MALRD1: variants seen among roughly 807,000 people sequenced by gnomAD.
MALRD1 encodes MAM and LDL-receptor class A domain-containing protein 1.
In MALRD1, 247 loss-of-function variants were observed where a neutral mutation model predicts 242.1. That is an observed-to-expected ratio of 1.02 (90% CI 0.92 to 1.13). The LOEUF (loss-of-function observed/expected upper bound fraction) is 1.13, where lower values mean the gene tolerates loss of function less well. Among genes scored for constraint, MALRD1 ranks in the 50% most tolerant of loss-of-function variants. The pLI is 0.00. For missense variants in MALRD1, 2,989 were observed against 2,533.1 expected (o/e 1.18, Z -3.86); for synonymous variants, 995 against 866.6 (o/e 1.15, Z -2.60).
chr10:19,651,042 C>T (rs1840858223), intron 36 of MALRD1, among the ~76,000 whole-genome samples: 3 of 152,152 alleles, frequency 2.0e-5, no homozygotes, highest in Admixed American at 2.0e-4. Context: ...AAAAGATGGT[C>T]TCTGTTCTTG....
At chr10:19,482,217 C>G (rs1208017667) in intron 29 of MALRD1, among the ~76,000 whole-genome samples, 1 of 152,036 alleles carries the variant, frequency 6.6e-6, no homozygotes, top group Non-Finnish European at 1.5e-5. Context: ...TCAGTGTTTA[C>G]TCTCCAGAAT....
intron 28 of MALRD1, among the ~76,000 whole-genome samples, chr10:19,410,720 C>T (rs981495533): frequency 6.8e-6 from 1 of 147,772 alleles, no homozygotes; most frequent in Non-Finnish European, 1.5e-5. Context: ...TAGTGAGGAC[C>T]TACTTTAGGA....
intron 19 of MALRD1, among the ~76,000 whole-genome samples, chr10:19,264,065 G>T (rs934963240): frequency 1.3e-5 from 2 of 152,086 alleles, no homozygotes; most frequent in African/African-American, 2.4e-5. Flanking sequence ...CCCAATACTT[G>T]TTAAAAGTTT....
chr10:19,407,443 C>T (rs1246445935), intron 28 of MALRD1, among the ~76,000 whole-genome samples: 1 of 151,876 alleles, frequency 6.6e-6, no homozygotes, highest in African/African-American at 2.4e-5. Context: ...GATTGTGCCA[C>T]TGCACTCCAG....
chr10:19,417,211 C>T (rs1833544296), intron 28 of MALRD1, among the ~76,000 whole-genome samples: 2 of 152,132 alleles, frequency 1.3e-5, no homozygotes, highest in Non-Finnish European at 2.9e-5. Context: ...CTCTCTGGGT[C>T]ATTGTATCCT....
In MALRD1 at chr10:19,581,466, G is replaced by C. The variant is rs1001207466; in HGVS notation, c.5681-13728G>C. Among the ~76,000 whole-genome samples, 11 of 150,714 alleles carry C rather than the reference G, an allele frequency of 7.3e-5. No individual in the cohort carries two copies. In the South Asian group the frequency reaches 2.3e-3, roughly 32 times the overall value. On this transcript the variant is annotated intron_variant, in intron 33 of 39. Coordinates refer to ENST00000454679, the MANE Select transcript of MALRD1 (RefSeq NM_001142308.3). ...TTCCCACCTATGAATGAGAATATGT[G>C]GTGTTTGGTATTTTGTTCTTGTGAC...
intron 26 of MALRD1, among the ~76,000 whole-genome samples, chr10:19,384,172 C>T (rs1272429443): frequency 6.7e-6 from 1 of 149,658 alleles, no homozygotes; most frequent in Non-Finnish European, 1.5e-5. Flanking sequence ...TGTATGTCTT[C>T]TTTGGAGAAA....
chr10:19,495,088 C>T (rs910872961), intron 30 of MALRD1, among the ~76,000 whole-genome samples: 4 of 151,944 alleles, frequency 2.6e-5, no homozygotes, highest in African/African-American at 9.6e-5. Context: ...GCAATTCTCC[C>T]GCCTCAGCCT....
At chr10:19,432,414 A>G (rs1310257187) in intron 28 of MALRD1, among the ~76,000 whole-genome samples, 2 of 152,238 alleles carry the variant, frequency 1.3e-5, no homozygotes, top group African/African-American at 2.4e-5. Flanking sequence ...CAGAGAAAGA[A>G]TCTGAAATCT....
chr10:19,151,203 T>A (rs1181766590), intron 11 of MALRD1, among the ~76,000 whole-genome samples: 1 of 152,128 alleles, frequency 6.6e-6, no homozygotes, highest in Non-Finnish European at 1.5e-5. Flanking sequence ...GTGTTTCCAA[T>A]GTCTCAATTT....
intron 26 of MALRD1, among the ~76,000 whole-genome samples, chr10:19,370,692 C>T (rs1351487772): frequency 6.6e-6 from 1 of 151,972 alleles, no homozygotes; most frequent in Non-Finnish European, 1.5e-5. Flanking sequence ...ATTCTTGTGT[C>T]TCAACCTCCT....
chr10:19,563,820 T>C (rs1836123746), intron 32 of MALRD1, among the ~76,000 whole-genome samples: 1 of 152,216 alleles, frequency 6.6e-6, no homozygotes, highest in African/African-American at 2.4e-5. Flanking sequence ...CAAATCATAT[T>C]GAGGTGTAAT....
intron 14 of MALRD1, among the ~76,000 whole-genome samples, chr10:19,197,959 A>G (rs1836341618): frequency 6.6e-6 from 1 of 152,214 alleles, no homozygotes. Context: ...TAATGAATGA[A>G]TGAGCACATA....
chr10:19,238,400 TATTATGTATAATATATAATATAC>T (rs1838528984), intron 18 of MALRD1, among the ~76,000 whole-genome samples: 3 of 73,202 alleles, frequency 4.1e-5, no homozygotes, highest in East Asian at 3.5e-4. Flanking sequence ...ATATGTTATA[TATTATGTATAATATATAATATAC>T]ATTATATATA....
chr10:19,280,104 C>T lies in MALRD1; in HGVS notation c.3137C>T (p.Pro1046Leu). The change falls in exon 20 of 40, where the codon CCT becomes CTT. Residue 1046 changes from proline (P) to leucine (L), a missense_variant. Coordinates refer to ENST00000454679, the MANE Select transcript of MALRD1 (RefSeq NM_001142308.3). ...PPETSVPVTL[P>L]PHNCTDNEFI... ...GAAACGTCAGTTCCTGTAACATTACCTCCACACAACTGCACAGACAATGAA... is the reference window on the plus strand; with the variant it reads ...GAAACGTCAGTTCCTGTAACATTACTTCCACACAACTGCACAGACAATGAA... The T allele has an allele frequency of 6.5e-7, 1 of 1,538,580 alleles. No homozygotes were observed. Among genetic ancestry groups the T allele is most frequent in the Non-Finnish European group, 8.8e-7 (1 of 1,142,526 alleles).
chr10:19,342,173 G>A (rs746764341), intron 24 of MALRD1, among the ~76,000 whole-genome samples: 6 of 152,042 alleles, frequency 3.9e-5, no homozygotes, highest in African/African-American at 9.7e-5. Context: ...TTAGTGCTCC[G>A]CTGTGGTAAA....
At chr10:19,317,013 T>C (rs939390511) in intron 21 of MALRD1, among the ~76,000 whole-genome samples, 1 of 151,110 alleles carries the variant, frequency 6.6e-6, no homozygotes, top group African/African-American at 2.4e-5. Flanking sequence ...TACCAAAATA[T>C]CTCATGTGCC....
intron 36 of MALRD1, among the ~76,000 whole-genome samples, chr10:19,619,182 C>T (rs1839297747): frequency 1.3e-5 from 2 of 149,736 alleles, no homozygotes; most frequent in Non-Finnish European, 1.5e-5. Context: ...ACTGATCCTT[C>T]TGTCTAGAAC....
At chr10:19,169,393 T>A (rs1408023118) in intron 13 of MALRD1, among the ~76,000 whole-genome samples, 1 of 152,232 alleles carries the variant, frequency 6.6e-6, no homozygotes, top group African/African-American at 2.4e-5. Flanking sequence ...TAATATTTAA[T>A]ACATGAGTAT....
Sources: gnomAD v4.1 joint callset for allele counts (sites outside exome capture counted in the v4.1 genomes callset) on GRCh38, gnomAD v4.1.1 for gene constraint, MANE v1.5 for transcripts, NCBI Gene and HGNC (gene_info 2026-07-23, HGNC 2026-07-21) for gene names.